Variants in SPTBN1 observed in about 807,000 individuals in gnomAD.
SPTBN1 encodes spectrin beta, non-erythrocytic 1.
A neutral mutation model predicts 266.4 loss-of-function variants in SPTBN1; 32 were observed. The observed-to-expected ratio is 0.12, with a 90% CI of 0.09 to 0.16. The LOEUF is 0.16. Among genes scored for constraint, SPTBN1 ranks in the 10% least tolerant of loss-of-function variants. SPTBN1 has a pLI of 1.00. For missense variants in SPTBN1, 2,296 were observed against 3,067.1 expected, an observed-to-expected ratio of 0.75 and a Z score of 5.94; for synonymous variants, 1,336 against 1,162.2, an observed-to-expected ratio of 1.15 and a Z score of -3.04.
At chr2:54,530,353 C>CTTTTGTTTTTTT (rs1671145623) in intron 2 of SPTBN1, among the ~76,000 whole-genome samples, 1 of 73,882 alleles carries the variant, frequency 1.4e-5, no homozygotes, top group Non-Finnish European at 2.4e-5. Flanking sequence ...TTGTAAAAAA[C>CTTTTGTTTTTTT]TTTTTTTTTT....
chr2:54,624,145 A>AT (rs549230350), intron 10 of SPTBN1, among the ~76,000 whole-genome samples: 6 of 150,958 alleles, frequency 4.0e-5, no homozygotes, highest in African/African-American at 1.2e-4. Context: ...GCTCATTAAA[A>AT]TTTTTTTTTT....
chr2:54,480,943 G>A (rs1330645782), intron 1 of SPTBN1, among the ~76,000 whole-genome samples: 2 of 152,122 alleles, frequency 1.3e-5, no homozygotes, highest in Non-Finnish European at 2.9e-5. Flanking sequence ...AAATAATTTG[G>A]GGAGGGGGTT....
Position 54,635,135 on chromosome 2 carries a change from T to C in SPTBN1, c.3767+2367T>C, listed in dbSNP as rs147116677. Among the ~76,000 whole-genome samples, 7 of 152,310 alleles carry C rather than the reference T, an allele frequency of 4.6e-5. No individual in the cohort carries two copies. In the East Asian group the frequency reaches 1.3e-3, roughly 29 times the overall value. ...GATGAGGGAGCTTTTTTGAGTCTTA[T>C]TACAGGGAGAGAAAGTGAGAGATGG... On this transcript the variant is annotated intron_variant, in intron 17 of 35. Coordinates refer to ENST00000356805, the MANE Select transcript of SPTBN1 (RefSeq NM_003128.3).
intron 2 of SPTBN1, among the ~76,000 whole-genome samples, chr2:54,590,986 C>CAGT (rs1262039681): frequency 1.3e-5 from 2 of 152,176 alleles, no homozygotes; most frequent in African/African-American, 4.8e-5. Flanking sequence ...CAGGGGAGTT[C>CAGT]AGTTGGGGTC....
intron 1 of SPTBN1, among the ~76,000 whole-genome samples, chr2:54,489,582 C>G (rs1397876612): frequency 6.6e-6 from 1 of 152,088 alleles, no homozygotes; most frequent in African/African-American, 2.4e-5. Context: ...CATCTGTAAT[C>G]TCTGTTCTTG....
In SPTBN1 at chr2:54,664,568, C is replaced by G. The variant is rs1681252969; in HGVS notation, c.6536C>G (p.Ala2179Gly). ...SPTSDRKAKT[A>G]LPAQSAATLP... ...ACCTCTGATCGTAAAGCCAAGACTG[C>G]CCTCCCAGCCCAGAGTGCCGCCACC... Residue 2179 changes from alanine (A) to glycine (G), a missense_variant, in exon 33 of 36, where the codon GCC becomes GGC. By Grantham distance (60) the Ala-to-Gly change is moderately conservative. Transcript: ENST00000356805. The surrounding 1 kb of genome is among the most constrained non-coding windows in gnomAD (Gnocchi z 5.6). The G allele has an allele frequency of 6.2e-7, 1 of 1,614,050 alleles. No individual in the cohort carries two copies. Among genetic ancestry groups the G allele is most frequent in the Non-Finnish European group, 8.5e-7 (1 of 1,180,042 alleles).
chr2:54,665,363 G>A (rs186466624), intron 33 of SPTBN1, among the ~76,000 whole-genome samples: 7 of 152,286 alleles, frequency 4.6e-5, no homozygotes, highest in Admixed American at 3.9e-4. Context: ...AATACAGGCC[G>A]GTGTTCTGTT....
At chr2:54,559,702 G>A (rs2104464450) in intron 2 of SPTBN1, among the ~76,000 whole-genome samples, 1 of 152,232 alleles carries the variant, frequency 6.6e-6, no homozygotes, top group South Asian at 2.1e-4. Context: ...CATGAAAAAA[G>A]GTTCCTAACT....
chr2:54,580,972 C>G (rs970446432), intron 2 of SPTBN1, among the ~76,000 whole-genome samples: 2 of 151,846 alleles, frequency 1.3e-5, no homozygotes, highest in Non-Finnish European at 2.9e-5. Flanking sequence ...GTGGCACACA[C>G]GTGTAATCCC....
intron 17 of SPTBN1, among the ~76,000 whole-genome samples, chr2:54,633,399 TTTTA>T (rs1678889800): frequency 1.3e-5 from 2 of 150,608 alleles, no homozygotes; most frequent in South Asian, 4.3e-4. Context: ...AAAATTATTT[TTTTA>T]TTTACGTGTG....
chr2:54,657,801 G>A (rs1029855133), intron 29 of SPTBN1, 49 bp from the exon 30 acceptor site: 11 of 1,611,350 alleles, frequency 6.8e-6, no homozygotes, highest in Non-Finnish European at 9.3e-6. Context: ...CCATATGACT[G>A]CCCGGCACCT....
intron 1 of SPTBN1, among the ~76,000 whole-genome samples, chr2:54,486,566 C>G (rs1481219475): frequency 6.6e-6 from 1 of 152,076 alleles, no homozygotes; most frequent in Non-Finnish European, 1.5e-5. Context: ...CTCAAGTACC[C>G]AGGGACACAA....
Position 54,646,859 on chromosome 2 carries a change from A to G in SPTBN1, c.4867-272A>G, listed in dbSNP as rs1679957278. On this transcript the variant is annotated intron_variant, in intron 23 of 35. Coordinates refer to ENST00000356805, the MANE Select transcript of SPTBN1 (RefSeq NM_003128.3). This position sits in a 1 kb window ranked among gnomAD's most constrained non-coding sequence, Gnocchi z 4.4. ...GAGGGACCTTGAGGAATTCCAGCGA[A>G]CCAGGCACACTTGGTCTGCCCAAGC... 1.3e-5 allele frequency among the ~76,000 whole-genome samples: 2 copies of G among 152,150 alleles called. No homozygotes were observed. The highest frequency in any genetic ancestry group is 2.1e-4 in the South Asian group (1 of 4,826).
rs10198205 is a variant in SPTBN1, at chr2:54,569,979, C to G, written c.149-29113C>G. ...CACCCAACTGAAACCATTCCCCCCC[C>G]CCTTTAGAAAGATTAGAAGGTTCAG... On this transcript the variant is annotated intron_variant, in intron 2 of 35. Coordinates refer to ENST00000356805, the MANE Select transcript of SPTBN1 (RefSeq NM_003128.3). Among the ~76,000 whole-genome samples the G allele has an allele frequency of 6.8e-3, 1,014 of 149,696 alleles. 6 individuals carry two copies. The highest frequency in any genetic ancestry group is 0.011 in the Non-Finnish European group (724 of 67,252).
rs1679242376 is a variant in SPTBN1, at chr2:54,637,651, T to C, written c.3768-62T>C. The C allele has an allele frequency of 2.3e-6, 3 of 1,293,014 alleles. No homozygotes were observed. In the Admixed American group the frequency reaches 5.3e-5, roughly 23 times the overall value. The allele number at this position is 1,293,014 out of a possible 1,614,324, so 80.1% of individuals were successfully genotyped here. A position where few individuals can be genotyped will look rare whatever the true frequency, so the allele number is the denominator to read the frequency against. On this transcript the variant is annotated intron_variant, in intron 17 of 35. Coordinates refer to ENST00000356805, the MANE Select transcript of SPTBN1 (RefSeq NM_003128.3). The stretch of plus-strand genomic sequence containing the variant: ...AATTCAGGAAATAAATTGATTTGTA[T>C]TCTGTATTTCAAGATTCTCTACTTC...
chr2:54,625,694 G>A (rs999382852), intron 11 of SPTBN1, among the ~76,000 whole-genome samples: 1 of 152,040 alleles, frequency 6.6e-6, no homozygotes, highest in East Asian at 1.9e-4. Flanking sequence ...AGGTTCAAGC[G>A]ATTTTCCTGC....
At chr2:54,490,964 G>T (rs1668656102) in intron 1 of SPTBN1, among the ~76,000 whole-genome samples, 1 of 152,126 alleles carries the variant, frequency 6.6e-6, no homozygotes, top group African/African-American at 2.4e-5. Flanking sequence ...TTGAGAGGAG[G>T]TTTTACCCAA....
intron 2 of SPTBN1, among the ~76,000 whole-genome samples, chr2:54,590,529 A>C (rs1675604056): frequency 6.6e-6 from 1 of 152,260 alleles, no homozygotes; most frequent in Non-Finnish European, 1.5e-5. Flanking sequence ...GAGATAGGAC[A>C]CAAGACGTAT....
intron 11 of SPTBN1, among the ~76,000 whole-genome samples, chr2:54,625,556 G>C (rs1678265419): frequency 2.0e-5 from 3 of 151,032 alleles, no homozygotes; most frequent in Non-Finnish European, 3.0e-5. Context: ...CTTTTTTGGA[G>C]GGGGGGTGGC....
Sources: allele counts gnomAD v4.1 joint callset (sites outside exome capture counted in the v4.1 genomes callset), GRCh38; gene constraint gnomAD v4.1.1; non-coding constraint Gnocchi (gnomAD v3.1); transcripts MANE v1.5; gene names NCBI Gene and HGNC (gene_info 2026-07-23, HGNC 2026-07-21).